FBXL17: variants seen among roughly 807,000 people sequenced by gnomAD.
FBXL17 encodes F-box/LRR-repeat protein 17.
In FBXL17, 22 loss-of-function variants were observed where a neutral mutation model predicts 66.2. The observed-to-expected ratio is 0.33, with a 90% CI of 0.24 to 0.47. The LOEUF is 0.47. FBXL17 is among the 20% of genes least tolerant of loss of function. The pLI is 1.00. For synonymous variants in FBXL17, 474 were observed against 400.5 expected (o/e 1.18, Z -2.19); for missense variants, 878 against 948.2 (o/e 0.93, Z 0.97).
chr5:108,238,930 T>C (rs1397933621), intron 4 of FBXL17, among the ~76,000 whole-genome samples: 2 of 152,222 alleles, frequency 1.3e-5, no homozygotes, highest in East Asian at 1.9e-4. Context: ...TATTTTAAGT[T>C]GTAATTATAT....
intron 7 of FBXL17, among the ~76,000 whole-genome samples, chr5:108,013,866 C>G (rs1290751775): frequency 6.6e-6 from 1 of 152,060 alleles, no homozygotes; most frequent in East Asian, 1.9e-4. Flanking sequence ...CACTACCACT[C>G]AAGATATCTA....
At chr5:108,312,767 T>C (rs889830030) in intron 4 of FBXL17, among the ~76,000 whole-genome samples, 2 of 152,176 alleles carry the variant, frequency 1.3e-5, no homozygotes, top group African/African-American at 4.8e-5. Context: ...AGTTATTCTA[T>C]GTAACATATT....
intron 7 of FBXL17, among the ~76,000 whole-genome samples, chr5:107,930,498 C>T (rs1367919268): frequency 1.3e-5 from 2 of 152,214 alleles, no homozygotes; most frequent in Non-Finnish European, 2.9e-5. Context: ...TTCCCTGAAG[C>T]ACTATTTTAT....
At chr5:108,109,266 C>T (rs188291056) in intron 6 of FBXL17, among the ~76,000 whole-genome samples, 18 of 152,306 alleles carry the variant, frequency 1.2e-4, no homozygotes, top group Admixed American at 3.3e-4. Flanking sequence ...GTCACTCTCA[C>T]CTTCCCCACA....
chr5:108,156,743 T>C lies in FBXL17; in HGVS notation c.1745+29374A>G, dbSNP rs1441582422. Among the ~76,000 whole-genome samples the C allele has an allele frequency of 2.0e-5, 3 of 151,958 alleles. No individual in the cohort carries two copies. The South Asian group carries it at 6.2e-4, about 31-fold the overall frequency. On this transcript the variant is annotated intron_variant, in intron 6 of 8. Coordinates refer to ENST00000542267, the MANE Select transcript of FBXL17 (RefSeq NM_001163315.3). ...TCTAAAATTGCTTTTCCTTGAAATA[T>C]ATTTTTAGTTTTATATATCAAATAA...
chr5:108,114,514 G>A (rs1291576329), intron 6 of FBXL17, among the ~76,000 whole-genome samples: 1 of 152,182 alleles, frequency 6.6e-6, no homozygotes, highest in Non-Finnish European at 1.5e-5. Flanking sequence ...GTTGTTGTGT[G>A]TTCAGTAGCC....
chr5:108,038,523 T>C (rs1307588814), intron 6 of FBXL17, among the ~76,000 whole-genome samples: 1 of 152,140 alleles, frequency 6.6e-6, no homozygotes, highest in Non-Finnish European at 1.5e-5. Context: ...CTTTCCACAA[T>C]AAATGTGAAA....
intron 6 of FBXL17, among the ~76,000 whole-genome samples, chr5:108,179,494 T>C (rs1010066240): frequency 1.3e-5 from 2 of 152,124 alleles, no homozygotes; most frequent in Non-Finnish European, 2.9e-5. Context: ...TTTCTTAATA[T>C]TGAAAACAAA....
At chr5:108,150,518 T>G (rs1751727577) in intron 6 of FBXL17, among the ~76,000 whole-genome samples, 1 of 152,226 alleles carries the variant, frequency 6.6e-6, no homozygotes, top group African/African-American at 2.4e-5. Context: ...ATCATGTTCT[T>G]AACAGATTTC....
At chr5:107,983,165 T>C (rs1462354731) in intron 7 of FBXL17, among the ~76,000 whole-genome samples, 1 of 152,184 alleles carries the variant, frequency 6.6e-6, no homozygotes, top group East Asian at 1.9e-4. Flanking sequence ...GCCCTGCTGT[T>C]TCCTCCAAAT....
chr5:107,882,781 C>G (rs370122012), intron 7 of FBXL17, among the ~76,000 whole-genome samples: 28 of 151,990 alleles, frequency 1.8e-4, no homozygotes, highest in African/African-American at 6.3e-4. Context: ...AAAATAAATC[C>G]CTTTTAATAC....
At chr5:108,116,734 A>C (rs1750271997) in intron 6 of FBXL17, among the ~76,000 whole-genome samples, 1 of 106,194 alleles carries the variant, frequency 9.4e-6, no homozygotes, top group East Asian at 4.3e-4. Flanking sequence ...CCGTTTTCAA[A>C]AGAAATTATG....
intron 4 of FBXL17, among the ~76,000 whole-genome samples, chr5:108,333,291 A>G (rs1760219997): frequency 6.6e-6 from 1 of 151,876 alleles, no homozygotes; most frequent in Admixed American, 6.6e-5. Context: ...TTATATTTAC[A>G]TTTCCAAATA....
At chr5:108,108,811 T>C (rs1283572025) in intron 6 of FBXL17, among the ~76,000 whole-genome samples, 1 of 150,316 alleles carries the variant, frequency 6.7e-6, no homozygotes, top group African/African-American at 2.5e-5. Flanking sequence ...GAGACAGAGT[T>C]TCGCTCTTGT....
At chr5:108,099,835 T>C in intron 6 of FBXL17, among the ~76,000 whole-genome samples, 1 of 152,238 alleles carries the variant, frequency 6.6e-6, no homozygotes, top group East Asian at 1.9e-4. Flanking sequence ...CTGCTTCATC[T>C]TTCATTCTCT....
Position 108,315,631 on chromosome 5 carries a change from GA to G in FBXL17, c.1506+32767del, listed in dbSNP as rs534063233. Among the ~76,000 whole-genome samples the G allele has an allele frequency of 2.6e-3, 389 of 149,998 alleles. 1 individual carries two copies. Among genetic ancestry groups the G allele is most frequent in the African/African-American group, 8.6e-3 (354 of 41,016 alleles). ...ATGAACCTTGTTAAAAAAAAAGAGA[GA>G]AAAAAAATCCTTTAAGCAACAAAGC... On this transcript the variant is annotated intron_variant, in intron 4 of 8. Coordinates refer to ENST00000542267, the MANE Select transcript of FBXL17 (RefSeq NM_001163315.3).
chr5:107,958,449 T>C (rs1161022920), intron 7 of FBXL17, among the ~76,000 whole-genome samples: 1 of 152,168 alleles, frequency 6.6e-6, no homozygotes, highest in Non-Finnish European at 1.5e-5. Flanking sequence ...AATCAACATC[T>C]CATATAGTTT....
At chr5:108,292,825 C>T (rs540677854) in intron 4 of FBXL17, among the ~76,000 whole-genome samples, 10 of 152,224 alleles carry the variant, frequency 6.6e-5, no homozygotes, top group African/African-American at 1.9e-4. Flanking sequence ...TGAGGCCGGG[C>T]GTGGTGGCTT....
rs139901927 is a variant in FBXL17, at chr5:108,182,984, A to G, written c.1745+3133T>C. ...TGACTCTTCTACACATGTCCTGTAT[A>G]CAGAAAATTGTTGTGGAATATAATC... On this transcript the variant is annotated intron_variant, in intron 6 of 8. Transcript: ENST00000542267. 4.7e-4 allele frequency among the ~76,000 whole-genome samples: 71 copies of G among 152,012 alleles called. 1 individual carries two copies. The highest frequency in any genetic ancestry group is 4.6e-4 in the Admixed American group (7 of 15,274).
Sources: gnomAD v4.1 joint callset for allele counts (sites outside exome capture counted in the v4.1 genomes callset) on GRCh38, gnomAD v4.1.1 for gene constraint, MANE v1.5 for transcripts, NCBI Gene and HGNC (gene_info 2026-07-23, HGNC 2026-07-21) for gene names.